Variants in THSD7A observed in about 807,000 individuals in gnomAD.
The protein encoded by THSD7A is thrombospondin type-1 domain-containing protein 7A.
THSD7A carries 96 observed loss-of-function variants against 231.3 expected under a neutral mutation model. The observed-to-expected ratio is 0.41, with a 90% confidence interval of 0.35 to 0.49. The LOEUF is 0.49. Ranked by LOEUF, THSD7A falls within the 20% of genes least tolerant of loss-of-function variation. The probability of loss-of-function intolerance (pLI) is 0.05; values close to 1 mark genes in which losing one functional copy is unlikely to be tolerated. For missense variants in THSD7A, 2,290 were observed against 2,070.2 expected, an observed-to-expected ratio of 1.11 and a Z score of -2.06; for synonymous variants, 940 against 743.3, an observed-to-expected ratio of 1.26 and a Z score of -4.30.
Position 11,636,749 on chromosome 7 carries a change from C to T in THSD7A, c.403G>A (p.Val135Met), listed in dbSNP as rs928898985. ...RLGPWNQCQP[V>M]ISKSLEKPLE... ...GGTTTCTCTAGGCTTTTTGAAATCA[C>T]GGGCTGACACTGATTCCAAGGTCCC... The change falls in exon 2 of 28, where the codon GTG becomes ATG. Residue 135 changes from valine to methionine, a missense_variant. Val to Met is a conservative substitution (Grantham distance 21). Coordinates refer to ENST00000423059, the MANE Select transcript of THSD7A (RefSeq NM_015204.3). The surrounding 1 kb of genome is among the most constrained non-coding windows in gnomAD (Gnocchi z 10.0). The T allele has an allele frequency of 3.1e-6, 5 of 1,613,958 alleles. No homozygotes were observed. The highest frequency in any genetic ancestry group is 4.2e-6 in the Non-Finnish European group (5 of 1,179,878).
At chr7:11,649,449 A>G (rs540755672) in intron 1 of THSD7A, among the ~76,000 whole-genome samples, 1 of 152,198 alleles carries the variant, frequency 6.6e-6, no homozygotes, top group African/African-American at 2.4e-5. Flanking sequence ...ATGCAGCAAT[A>G]GATAACTGAT....
chr7:11,601,103 C>T (rs1780535761), intron 2 of THSD7A, among the ~76,000 whole-genome samples: 2 of 152,198 alleles, frequency 1.3e-5, no homozygotes, highest in Middle Eastern at 3.2e-3. Flanking sequence ...CTGACATCTT[C>T]TGTAATTCCT....
intron 1 of THSD7A, among the ~76,000 whole-genome samples, chr7:11,819,375 C>G (rs1185796062): frequency 1.3e-5 from 2 of 152,174 alleles, no homozygotes; most frequent in Admixed American, 1.3e-4. Context: ...AAAATATGCA[C>G]ATGAATATTC....
intron 8 of THSD7A, among the ~76,000 whole-genome samples, chr7:11,473,462 A>C (rs991240962): frequency 2.0e-5 from 3 of 152,208 alleles, no homozygotes; most frequent in African/African-American, 7.2e-5. Flanking sequence ...AGTATTTAGT[A>C]AATATGAGGC....
At chr7:11,568,068 C>A (rs757746114) in intron 4 of THSD7A, among the ~76,000 whole-genome samples, 1 of 152,040 alleles carries the variant, frequency 6.6e-6, no homozygotes, top group Non-Finnish European at 1.5e-5. Context: ...ATTTTCCTAT[C>A]GTTATTCTTT....
At chr7:11,674,574 G>A (rs1365375359) in intron 1 of THSD7A, among the ~76,000 whole-genome samples, 1 of 152,136 alleles carries the variant, frequency 6.6e-6, no homozygotes, top group Non-Finnish European at 1.5e-5. Context: ...CTGCAACAAA[G>A]GAACCTGTAC....
At chr7:11,531,350 G>C (rs190195265) in intron 6 of THSD7A, among the ~76,000 whole-genome samples, 1 of 152,068 alleles carries the variant, frequency 6.6e-6, no homozygotes, top group Non-Finnish European at 1.5e-5. Flanking sequence ...AAAACATGTC[G>C]GTTCTGGTCA....
intron 6 of THSD7A, among the ~76,000 whole-genome samples, chr7:11,526,028 T>C (rs1475499267): frequency 6.6e-6 from 1 of 152,148 alleles, no homozygotes; most frequent in South Asian, 2.1e-4. Context: ...CAAGAGTGTG[T>C]CTCAACTTCC....
intron 6 of THSD7A, among the ~76,000 whole-genome samples, chr7:11,507,621 T>A (rs1314796295): frequency 6.6e-6 from 1 of 151,896 alleles, no homozygotes; most frequent in African/African-American, 2.4e-5. Context: ...TTTTAATTTT[T>A]AACTGCTGGA....
intron 1 of THSD7A, among the ~76,000 whole-genome samples, chr7:11,769,318 AT>A (rs1433283664): frequency 6.6e-6 from 1 of 150,692 alleles, no homozygotes; most frequent in Non-Finnish European, 1.5e-5. Flanking sequence ...TTTGAAAGCA[AT>A]CACCTGTAGA....
At chr7:11,547,975 A>G (rs1336572711) in intron 4 of THSD7A, among the ~76,000 whole-genome samples, 1 of 152,136 alleles carries the variant, frequency 6.6e-6, no homozygotes, top group East Asian at 1.9e-4. Flanking sequence ...GGAAAGTGAC[A>G]CCAAAGCCAG....
intron 4 of THSD7A, among the ~76,000 whole-genome samples, chr7:11,555,156 T>C (rs1303753375): frequency 6.6e-6 from 1 of 151,918 alleles, no homozygotes; most frequent in East Asian, 1.9e-4. Context: ...TTCACTCCCA[T>C]TTTTCTTGGT....
At chr7:11,479,443 AGT>A (rs1786332544) in intron 7 of THSD7A, among the ~76,000 whole-genome samples, 1 of 152,218 alleles carries the variant, frequency 6.6e-6, no homozygotes, top group South Asian at 2.1e-4. Context: ...TTTCCTTTAA[AGT>A]TATCACAATC....
At chr7:11,575,423 C>T (rs1262539510) in intron 4 of THSD7A, among the ~76,000 whole-genome samples, 1 of 152,112 alleles carries the variant, frequency 6.6e-6, no homozygotes, top group African/African-American at 2.4e-5. Flanking sequence ...TCTAGTTAGG[C>T]CTGGATCCCC....
chr7:11,464,960 C>G (rs1461558539), intron 9 of THSD7A, among the ~76,000 whole-genome samples: 1 of 152,158 alleles, frequency 6.6e-6, no homozygotes, highest in Non-Finnish European at 1.5e-5. Context: ...GGAAGCTATA[C>G]AGCACACATT....
At chr7:11,567,806 T>C (rs1227503672) in intron 4 of THSD7A, among the ~76,000 whole-genome samples, 2 of 152,202 alleles carry the variant, frequency 1.3e-5, no homozygotes, top group African/African-American at 4.8e-5. Flanking sequence ...ATTTTGACCC[T>C]AGCTCACTCC....
At chr7:11,376,362 A>G (rs1019866055) in intron 27 of THSD7A, among the ~76,000 whole-genome samples, 1 of 152,116 alleles carries the variant, frequency 6.6e-6, no homozygotes, top group African/African-American at 2.4e-5. Flanking sequence ...ATACTCGAGA[A>G]GATGACCTGC....
At chr7:11,655,121 G>C (rs1782655986) in intron 1 of THSD7A, among the ~76,000 whole-genome samples, 1 of 151,694 alleles carries the variant, frequency 6.6e-6, no homozygotes, top group Non-Finnish European at 1.5e-5. Context: ...TTCAACATTA[G>C]GAGCCTATAA....
intron 16 of THSD7A, among the ~76,000 whole-genome samples, chr7:11,419,157 A>G (rs1174786281): frequency 6.6e-6 from 1 of 151,922 alleles, no homozygotes; most frequent in Non-Finnish European, 1.5e-5. Flanking sequence ...GATATCCAAC[A>G]CTCTATTAAG....
Sources: allele counts gnomAD v4.1 joint callset (sites outside exome capture counted in the v4.1 genomes callset), GRCh38; gene constraint gnomAD v4.1.1; non-coding constraint Gnocchi (gnomAD v3.1); transcripts MANE v1.5; gene names NCBI Gene and HGNC (gene_info 2026-07-23, HGNC 2026-07-21).